The following ANAPC1 variants were observed in gnomAD, a reference collection of about 807,000 sequenced individuals.
The protein encoded by ANAPC1 is anaphase promoting complex subunit 1.
Under a neutral mutation model 208.0 loss-of-function variants are expected in ANAPC1, and 36 were observed. The observed-to-expected ratio is 0.17, with a 90% CI of 0.13 to 0.23. The LOEUF (loss-of-function observed/expected upper bound fraction) is 0.23. ANAPC1 is among the 10% of genes least tolerant of loss of function. The probability of loss-of-function intolerance (pLI) is 1.00; values close to 1 mark genes in which losing one functional copy is unlikely to be tolerated. For missense variants in ANAPC1, 942 were observed against 2,011.6 expected, an observed-to-expected ratio of 0.47 and a Z score of 10.17; for synonymous variants, 378 against 695.2, an observed-to-expected ratio of 0.54 and a Z score of 7.18.
At chr2:111,800,352 AT>A (rs1221534006) in intron 34 of ANAPC1, among the ~76,000 whole-genome samples, 1 of 135,810 alleles carries the variant, frequency 7.4e-6, no homozygotes, top group African/African-American at 2.8e-5. Context: ...TACCAAAAAA[AT>A]CTGTTCATTT....
intron 19 of ANAPC1, among the ~76,000 whole-genome samples, chr2:111,834,084 G>C (rs1680332799): frequency 6.6e-6 from 1 of 152,158 alleles, no homozygotes. Context: ...GTGCCTCAAA[G>C]ACAGGGACAA....
At chr2:111,870,912 T>C (rs746894847) in intron 6 of ANAPC1, among the ~76,000 whole-genome samples, 2 of 152,040 alleles carry the variant, frequency 1.3e-5, no homozygotes, top group Non-Finnish European at 2.9e-5. Flanking sequence ...CTAAAAAAGG[T>C]ATCAGTTTTC....
At chr2:111,865,464 A>G (rs1195801481) in intron 7 of ANAPC1, among the ~76,000 whole-genome samples, 2 of 152,174 alleles carry the variant, frequency 1.3e-5, no homozygotes, top group Non-Finnish European at 2.9e-5. Flanking sequence ...CTAAAGTACC[A>G]TGGACTGGTC....
chr2:111,874,132 T>C (rs1682903986), intron 3 of ANAPC1, among the ~76,000 whole-genome samples: 4 of 152,166 alleles, frequency 2.6e-5, no homozygotes, highest in Admixed American at 2.6e-4. Flanking sequence ...AAAAACTAAC[T>C]CCTCCCTTTC....
chr2:111,826,470 T>C (rs1679837770), intron 21 of ANAPC1, among the ~76,000 whole-genome samples: 1 of 152,220 alleles, frequency 6.6e-6, no homozygotes, highest in Non-Finnish European at 1.5e-5. Context: ...GTCTTTTTTG[T>C]GCTACTTCTT....
chr2:111,850,746 CT>C (rs1415387774), intron 14 of ANAPC1, 29 bp downstream of exon 14: 2 of 1,593,314 alleles, frequency 1.3e-6, no homozygotes, highest in African/African-American at 2.7e-5. Context: ...AAAATGTTAA[CT>C]TTTTGGCAAC....
intron 17 of ANAPC1, 113 bp downstream of exon 17, chr2:111,843,299 T>C (rs886532914): frequency 1.1e-5 from 11 of 977,752 alleles, no homozygotes; most frequent in Non-Finnish European, 1.5e-5. Context: ...TTAATATTAT[T>C]CTATTATTTT....
intron 3 of ANAPC1, among the ~76,000 whole-genome samples, chr2:111,874,357 G>A (rs1682913962): frequency 6.6e-6 from 1 of 151,992 alleles, no homozygotes; most frequent in Non-Finnish European, 1.5e-5. Context: ...TTGTGAGCTT[G>A]TACAATACTG....
intron 26 of ANAPC1, 138 bp downstream of exon 26, chr2:111,821,101 G>A: frequency 3.2e-6 from 2 of 619,474 alleles, no homozygotes; most frequent in Non-Finnish European, 5.7e-6. Context: ...AAAACACAGG[G>A]CATATTTTCA....
intron 5 of ANAPC1, 124 bp from the exon 6 acceptor site, chr2:111,872,836 A>T: frequency 1.6e-6 from 1 of 643,056 alleles, no homozygotes. Context: ...AAGTAACATA[A>T]TCATTAAATA....
At chr2:111,872,579 C>T (rs1484484621) in intron 6 of ANAPC1, 51 bp downstream of exon 6, 2 of 1,483,186 alleles carry the variant, frequency 1.3e-6, no homozygotes, top group Non-Finnish European at 1.9e-6. Context: ...AGAACCAACA[C>T]AAACACACAA....
At position 111,864,372 on chromosome 2, in the gene ANAPC1, GATA is replaced by G. The variant is rs201959629; in HGVS notation, c.831+431_831+433del. Among the ~76,000 whole-genome samples the G allele has an allele frequency of 6.4e-3, 560 of 87,870 alleles. 6 individuals are homozygous for G. The highest frequency in any genetic ancestry group is 0.026 in the Middle Eastern group (2 of 76). The allele number at this position is 87,870 out of a possible 152,430, so 57.6% of individuals were successfully genotyped here. A position where few individuals can be genotyped will look rare whatever the true frequency, so the allele number is the denominator to read the frequency against. On this transcript the variant is annotated intron_variant, in intron 8 of 47. Transcript: ENST00000341068. ...TGATGATGATGATGATGATGATGAT[GATA>G]ATAAAACTATTCACAAGTGATTTTT...
At position 111,834,864 on chromosome 2, in the gene ANAPC1, T is replaced by C. The variant is rs748248059; in HGVS notation, c.2124A>G (p.Glu708=). The change falls in exon 19 of 48, where the codon GAA becomes GAG. Residue 708 remains glutamate, a synonymous_variant. Transcript: ENST00000341068. The part of the protein sequence containing the change: ...PSETGSDDDW[E]YLLNSDYHQN... ...GGTGGTAGTCTGAATTTAGTAAATA[T>C]TCCCAGTCCTGAGAAGAATAAAAAG... is the stretch of plus-strand genomic sequence containing the variant. The C allele has an allele frequency of 6.3e-7, 1 of 1,589,464 alleles. No individual in the cohort carries two copies. Among genetic ancestry groups the C allele is most frequent in the Non-Finnish European group, 8.5e-7 (1 of 1,170,800 alleles).
At chr2:111,832,794 G>C (rs767049532) in intron 20 of ANAPC1, among the ~76,000 whole-genome samples, 1 of 151,922 alleles carries the variant, frequency 6.6e-6, no homozygotes, top group South Asian at 2.1e-4. Context: ...GCCAGGTGTG[G>C]TGGTGGGCAC....
At chr2:111,835,697 C>T (rs1680427443) in intron 18 of ANAPC1, among the ~76,000 whole-genome samples, 1 of 151,930 alleles carries the variant, frequency 6.6e-6, no homozygotes, top group South Asian at 2.1e-4. Flanking sequence ...AAAAATTAGC[C>T]GGGTGTGGTG....
chr2:111,793,262 G>A (rs1403398224), intron 37 of ANAPC1, among the ~76,000 whole-genome samples: 1 of 151,900 alleles, frequency 6.6e-6, no homozygotes, highest in Non-Finnish European at 1.5e-5. Context: ...TTGGAGACAG[G>A]GTCTCTCACT....
chr2:111,857,507 G>A (rs993004952), intron 11 of ANAPC1, among the ~76,000 whole-genome samples: 2 of 152,216 alleles, frequency 1.3e-5, no homozygotes, highest in Non-Finnish European at 2.9e-5. Context: ...ACAACCACTA[G>A]AAAATAGCTA....
rs181598067 is a variant in ANAPC1 at position 111,846,944 on chromosome 2, T to C, written c.1852+194A>G. ...CTCAGGGAACAGAACTAGCACATCC[T>C]TCACCTGTACTCCAGCCTTAGAGCG... On this transcript the variant is annotated intron_variant, in intron 16 of 47. Transcript: ENST00000341068. Among the ~76,000 whole-genome samples, 505 of 152,196 alleles carry C rather than the reference T, an allele frequency of 3.3e-3. 7 individuals are homozygous for C. Among genetic ancestry groups the C allele is most frequent in the Admixed American group, 0.025 (378 of 15,268 alleles).
rs1178449941 is a variant in ANAPC1, at chr2:111,825,848, G to A, written c.2633C>T (p.Ala878Val). 6.2e-7 allele frequency: 1 copy of A among 1,606,404 alleles called. No homozygotes were observed. Among genetic ancestry groups the A allele is most frequent in the Non-Finnish European group, 8.5e-7 (1 of 1,174,996 alleles). ...GCTCTCATCACCAAGTATGTACAGT[G>A]CAATACTCTGCAAAGGAAGAAAATT... ...ERSRLVVLSI[A>V]LYILGDESLV... The change falls in exon 22 of 48, where the codon GCA becomes GTA. Residue 878 changes from alanine (A) to valine (V), a missense_variant. By Grantham distance (64) the Ala-to-Val change is moderately conservative (BLOSUM62 0). Coordinates refer to ENST00000341068, the MANE Select transcript of ANAPC1 (RefSeq NM_022662.4).
Sources: gnomAD v4.1 joint callset for allele counts (sites outside exome capture counted in the v4.1 genomes callset) on GRCh38, gnomAD v4.1.1 for gene constraint, MANE v1.5 for transcripts, NCBI Gene and HGNC (gene_info 2026-07-23, HGNC 2026-07-21) for gene names.